Variants in SLC2A13 observed in about 807,000 individuals in gnomAD.
SLC2A13 encodes proton myo-inositol cotransporter.
Under a neutral mutation model 64.4 loss-of-function variants are expected in SLC2A13, and 32 were observed. That is an observed-to-expected ratio of 0.50 (90% CI 0.37 to 0.67). The LOEUF is 0.67. Ranked by LOEUF, SLC2A13 falls within the 30% of genes least tolerant of loss-of-function variation. SLC2A13 has a pLI of 0.00. For synonymous variants in SLC2A13, 338 were observed against 327.1 expected (o/e 1.03, Z -0.36); for missense variants, 743 against 829.2 (o/e 0.90, Z 1.28).
At chr12:39,865,340 C>T (rs1943880873) in intron 5 of SLC2A13, among the ~76,000 whole-genome samples, 1 of 152,094 alleles carries the variant, frequency 6.6e-6, no homozygotes, top group African/African-American at 2.4e-5. Flanking sequence ...ATTGGTAAAC[C>T]TTTTTAGTTT....
chr12:39,882,467 C>G (rs891768913), intron 4 of SLC2A13, among the ~76,000 whole-genome samples: 2 of 152,208 alleles, frequency 1.3e-5, no homozygotes, highest in African/African-American at 4.8e-5. Flanking sequence ...TATTCTTCTA[C>G]TCTGCATTTA....
chr12:39,770,013 C>G (rs1940504374), intron 7 of SLC2A13, among the ~76,000 whole-genome samples: 1 of 151,040 alleles, frequency 6.6e-6, no homozygotes, highest in Admixed American at 6.6e-5. Flanking sequence ...TTGCTGACAA[C>G]TCTCCTTCCT....
chr12:39,967,169 C>T (rs1418449586), intron 3 of SLC2A13, among the ~76,000 whole-genome samples: 1 of 152,152 alleles, frequency 6.6e-6, no homozygotes, highest in African/African-American at 2.4e-5. Flanking sequence ...AAAATGCAAT[C>T]TTCCCACTGT....
At chr12:40,024,020 G>A (rs1947763878) in intron 3 of SLC2A13, among the ~76,000 whole-genome samples, 1 of 152,076 alleles carries the variant, frequency 6.6e-6, no homozygotes, top group East Asian at 1.9e-4. Context: ...GGCCCCAAAG[G>A]GCCTGCCTCT....
intron 5 of SLC2A13, 121 bp from the exon 6 acceptor site, chr12:39,865,003 C>T (rs1335382168): frequency 4.5e-6 from 4 of 886,834 alleles, no homozygotes. Flanking sequence ...AAAAAAAATA[C>T]CGTGCTCTAT....
chr12:39,797,727 A>AACACACACAC (rs1555237479), intron 7 of SLC2A13, among the ~76,000 whole-genome samples: 1 of 84,002 alleles, frequency 1.2e-5, no homozygotes, highest in Non-Finnish European at 2.4e-5. Context: ...AGTTATGGTA[A>AACACACACAC]ACACACACAC....
chr12:39,860,885 CCAGAGA>C (rs1455046041), intron 6 of SLC2A13, among the ~76,000 whole-genome samples: 3 of 152,110 alleles, frequency 2.0e-5, no homozygotes, highest in Non-Finnish European at 4.4e-5. Context: ...CCACACCCAC[CCAGAGA>C]CAGTTTAGAA....
chr12:39,865,000 A>T, intron 5 of SLC2A13, 118 bp from the exon 6 acceptor site: 1 of 931,370 alleles, frequency 1.1e-6, no homozygotes, highest in Non-Finnish European at 1.5e-6. Flanking sequence ...TGAAAAAAAA[A>T]TACCGTGCTC....
In SLC2A13 at chr12:40,038,777, A is replaced by G. The variant is rs1948033456; in HGVS notation, c.716+9274T>C. 2.0e-5 allele frequency among the ~76,000 whole-genome samples: 3 copies of G among 150,914 alleles called. 1 individual carries two copies. In the East Asian group the frequency reaches 5.8e-4, roughly 29 times the overall value. On this transcript the variant is annotated intron_variant, in intron 2 of 9. Coordinates refer to ENST00000280871, the MANE Select transcript of SLC2A13 (RefSeq NM_052885.4). ...AAGAAAAAGGGAAAGGGAAGGGGAA[A>G]GGGAAAGGGAAAAGGAAAGGAAAAG...
intron 4 of SLC2A13, among the ~76,000 whole-genome samples, chr12:39,899,201 T>C (rs1945014573): frequency 1.3e-5 from 2 of 152,206 alleles, no homozygotes; most frequent in South Asian, 4.1e-4. Context: ...CTTCCTGGTT[T>C]AGTCTTGGGA....
chr12:40,008,719 G>A (rs1018010457), intron 3 of SLC2A13, among the ~76,000 whole-genome samples: 2 of 151,856 alleles, frequency 1.3e-5, no homozygotes, highest in Non-Finnish European at 2.9e-5. Flanking sequence ...ATGACTTCCA[G>A]CCAATATACT....
At chr12:40,029,785 G>A in intron 2 of SLC2A13, among the ~76,000 whole-genome samples, 1 of 152,154 alleles carries the variant, frequency 6.6e-6, no homozygotes, top group African/African-American at 2.4e-5. Context: ...ATGAATGAAT[G>A]GCTAAATGAA....
At chr12:39,834,484 A>G (rs1566843742) in intron 6 of SLC2A13, among the ~76,000 whole-genome samples, 1 of 152,000 alleles carries the variant, frequency 6.6e-6, no homozygotes, top group Admixed American at 6.6e-5. Context: ...TATCCTTTCA[A>G]ATCTCTCCCA....
Position 40,062,529 on chromosome 12 carries a change from C to T in SLC2A13, c.557-14319G>A, listed in dbSNP as rs1030686369. Among the ~76,000 whole-genome samples, 9 of 152,016 alleles carry T rather than the reference C, an allele frequency of 5.9e-5. 1 individual carries two copies. The highest frequency in any genetic ancestry group is 6.8e-3 in the Middle Eastern group (2 of 294). ...ACTATCAGGAAAAAATAGAAGAAGA[C>T]GTTTGTAACTTAAAACATCAACTCT... On this transcript the variant is annotated intron_variant, in intron 1 of 9. Transcript: ENST00000280871.
At chr12:39,929,775 C>T (rs1422730684) in intron 4 of SLC2A13, among the ~76,000 whole-genome samples, 3 of 151,446 alleles carry the variant, frequency 2.0e-5, no homozygotes, top group Non-Finnish European at 4.4e-5. Context: ...CTTTACAGCT[C>T]CACTGAAAAG....
intron 7 of SLC2A13, among the ~76,000 whole-genome samples, chr12:39,805,536 CTT>C (rs1941951428): frequency 6.6e-6 from 1 of 150,804 alleles, no homozygotes; most frequent in Non-Finnish European, 1.5e-5. Context: ...TCCCCAGAGA[CTT>C]TATTCCCATA....
At chr12:39,783,988 G>T (rs1476412983) in intron 7 of SLC2A13, among the ~76,000 whole-genome samples, 1 of 152,116 alleles carries the variant, frequency 6.6e-6, no homozygotes, top group African/African-American at 2.4e-5. Context: ...GCTTCAAAGA[G>T]AATAAAATAC....
intron 4 of SLC2A13, among the ~76,000 whole-genome samples, chr12:39,929,575 A>G (rs1945788321): frequency 6.6e-6 from 1 of 151,650 alleles, no homozygotes; most frequent in African/African-American, 2.4e-5. Flanking sequence ...AAAGACATGT[A>G]ATATAGGAAA....
intron 6 of SLC2A13, among the ~76,000 whole-genome samples, chr12:39,841,070 A>G (rs948233174): frequency 1.3e-5 from 2 of 152,092 alleles, no homozygotes; most frequent in Non-Finnish European, 2.9e-5. Context: ...GGAACTCTGT[A>G]AAAGAGTCAT....
Sources: gnomAD v4.1 joint callset for allele counts (sites outside exome capture counted in the v4.1 genomes callset) on GRCh38, gnomAD v4.1.1 for gene constraint, MANE v1.5 for transcripts, NCBI Gene and HGNC (gene_info 2026-07-23, HGNC 2026-07-21) for gene names.